Variants in TP53BP2 observed in about 807,000 individuals in gnomAD.
The protein encoded by TP53BP2 is apoptosis-stimulating of p53 protein 2.
TP53BP2 carries 62 observed loss-of-function variants against 126.2 expected under a neutral mutation model. The ratio of observed to expected loss-of-function variants is 0.49; its 90% CI spans 0.40 to 0.61. The LOEUF is 0.61. Ranked by LOEUF, TP53BP2 falls within the 20% of genes least tolerant of loss-of-function variation. The pLI is 0.00. For synonymous variants in TP53BP2, 485 were observed against 502.9 expected, an observed-to-expected ratio of 0.96 and a Z score of 0.48; for missense variants, 1,215 against 1,402.8, an observed-to-expected ratio of 0.87 and a Z score of 2.14.
intron 2 of TP53BP2, among the ~76,000 whole-genome samples, chr1:223,819,044 G>A (rs529597314): frequency 4.6e-5 from 7 of 151,970 alleles, no homozygotes; most frequent in South Asian, 2.1e-4. Context: ...TTAGTTGGGC[G>A]TGGTGGCGTA....
rs774227559 is a variant in TP53BP2 at position 223,806,856 on chromosome 1, A to C, written c.464T>G (p.Leu155Arg). The change falls in exon 5 of 18, where the codon CTG (leucine) becomes CGG (arginine). Residue 155 changes from leucine (L) to arginine (R), a missense_variant. By Grantham distance (102) the Leu-to-Arg change is moderately radical. This residue lies in a region of TP53BP2 where 814 missense variants were observed against 853.0 expected (regional missense o/e 0.95). Transcript: ENST00000343537. ...QQQIEAQQQL[L>R]ATKEQRLKFL... is the part of the protein sequence containing the mutation. The stretch of plus-strand genomic sequence containing the variant: ...AAAGGACGATACTACCTTAGTTGCC[A>C]GCAATTGTTGCTGGGCTTCAATCTG... 3 of 1,613,358 alleles carry C rather than the reference A, an allele frequency of 1.9e-6. No homozygotes were observed. Among genetic ancestry groups the C allele is most frequent in the Non-Finnish European group, 2.5e-6 (3 of 1,179,728 alleles).
chr1:223,808,434 G>A (rs1212795693), intron 4 of TP53BP2, among the ~76,000 whole-genome samples: 2 of 151,834 alleles, frequency 1.3e-5, no homozygotes, highest in Non-Finnish European at 2.9e-5. Context: ...CCAGCTACTC[G>A]GGAAGCTGAG....
Position 223,794,572 on chromosome 1 carries a change from T to G in TP53BP2, c.2725-1132A>C, listed in dbSNP as rs554617142. ...AGTATAATACTTTTACCAATTCTAG[T>G]TTTCCTTTTTTCTCCTTGAAAATGT... On this transcript the variant is annotated intron_variant, in intron 13 of 17. Coordinates refer to ENST00000343537, the MANE Select transcript of TP53BP2 (RefSeq NM_001031685.3). 2.0e-5 allele frequency among the ~76,000 whole-genome samples: 3 copies of G among 152,332 alleles called. No homozygotes were observed. In the South Asian group the frequency reaches 6.2e-4, roughly 32 times the overall value.
At chr1:223,837,155 A>C (rs114139578) in intron 1 of TP53BP2, among the ~76,000 whole-genome samples, 12,372 of 76,368 alleles carry the variant, frequency 0.16, 779 homozygotes, top group East Asian at 0.32. Context: ...TAAAAAAAAA[A>C]GGGGGGGGGC....
At chr1:223,831,481 ATATATATATATATATATATAT>A (rs1438136195) in intron 1 of TP53BP2, among the ~76,000 whole-genome samples, 2 of 35,480 alleles carry the variant, frequency 5.6e-5, no homozygotes, top group East Asian at 1.4e-3. Context: ...AAAAAAAAAA[ATATATATATATATATATATAT>A]ATATATATAT....
chr1:223,792,863 C>CAAA (rs35552256), intron 14 of TP53BP2, among the ~76,000 whole-genome samples: 3 of 129,348 alleles, frequency 2.3e-5, no homozygotes, highest in African/African-American at 2.8e-5. Context: ...CTATGGAAAG[C>CAAA]AAAAAAAAAA....
At chr1:223,786,821 T>C (rs1661982199) in intron 16 of TP53BP2, among the ~76,000 whole-genome samples, 3 of 151,946 alleles carry the variant, frequency 2.0e-5, no homozygotes, top group Admixed American at 2.0e-4. Flanking sequence ...TTAGCCAGAA[T>C]GGTCTCGATC....
chr1:223,785,846 T>C (rs1661934310), intron 16 of TP53BP2, among the ~76,000 whole-genome samples: 1 of 152,178 alleles, frequency 6.6e-6, no homozygotes, highest in African/African-American at 2.4e-5. Context: ...CGAGGTATCA[T>C]TCCAAATCCA....
At chr1:223,825,183 T>C (rs1302927568) in intron 1 of TP53BP2, among the ~76,000 whole-genome samples, 1 of 152,144 alleles carries the variant, frequency 6.6e-6, no homozygotes, top group Non-Finnish European at 1.5e-5. Context: ...AGTCAAAGGT[T>C]TTGTCTTTGT....
intron 13 of TP53BP2, among the ~76,000 whole-genome samples, chr1:223,794,511 C>A (rs975586141): frequency 3.9e-5 from 6 of 152,116 alleles, no homozygotes; most frequent in Admixed American, 2.0e-4. Context: ...GGTAAGACAC[C>A]TTCCTAGGAA....
Position 223,780,823 on chromosome 1 carries a change from C to T in TP53BP2, c.*30G>A. On this transcript the variant is annotated 3_prime_UTR_variant, in exon 18 of 18. Transcript: ENST00000343537. ...TACTTCTTCTTAACAGAGATTAATT[C>T]TTCATTGACTAAAATTCTGTGTGGA... 1 of 1,608,842 alleles carries T rather than the reference C, an allele frequency of 6.2e-7. No homozygotes were observed. Among genetic ancestry groups the T allele is most frequent in the Non-Finnish European group, 8.5e-7 (1 of 1,178,230 alleles).
intron 13 of TP53BP2, 133 bp downstream of exon 13, chr1:223,795,682 T>C (rs1257450252): frequency 1.3e-6 from 1 of 765,060 alleles, no homozygotes; most frequent in African/African-American, 1.7e-5. Context: ...TATGAAAACA[T>C]TTATAAGATC....
intron 15 of TP53BP2, among the ~76,000 whole-genome samples, chr1:223,791,504 T>C (rs1464849238): frequency 6.6e-6 from 1 of 152,130 alleles, no homozygotes; most frequent in South Asian, 2.1e-4. Context: ...CAATGTCTAA[T>C]AAAAGGGAGA....
At chr1:223,785,357 G>T (rs986565353) in intron 16 of TP53BP2, among the ~76,000 whole-genome samples, 1 of 152,126 alleles carries the variant, frequency 6.6e-6, no homozygotes, top group Non-Finnish European at 1.5e-5. Context: ...TCTAGAAGAA[G>T]GCTCTGCCAA....
intron 14 of TP53BP2, 100 bp from the exon 15 acceptor site, chr1:223,792,622 T>C: frequency 8.6e-7 from 1 of 1,163,590 alleles, no homozygotes; most frequent in Non-Finnish European, 1.2e-6. Context: ...AAATGGACTC[T>C]TGTGACACTT....
In TP53BP2 at chr1:223,798,257, C is replaced by T. The variant is rs1662400261; in HGVS notation, c.1906G>A (p.Ala636Thr). The T allele has an allele frequency of 4.3e-6, 7 of 1,614,200 alleles. No individual in the cohort carries two copies. The highest frequency in any genetic ancestry group is 1.1e-5 in the South Asian group (1 of 91,080). ...CCTCTGGTATGAGTCTTGGTCAACG[C>T]GCTCTGCACAGCCTGCTGGAAGTTT... ...GKNFQQAVQS[A>T]LTKTHTRGPH... The change falls in exon 12 of 18, where the codon GCG (alanine) becomes ACG (threonine). Residue 636 changes from alanine to threonine, a missense_variant. By Grantham distance (58) the Ala-to-Thr change is moderately conservative (BLOSUM62 0). Coordinates refer to ENST00000343537, the MANE Select transcript of TP53BP2 (RefSeq NM_001031685.3).
At chr1:223,800,648 C>T in intron 10 of TP53BP2, 52 bp downstream of exon 10, 1 of 1,322,850 alleles carries the variant, frequency 7.6e-7, no homozygotes, top group Non-Finnish European at 1.1e-6. Context: ...ATACACAGCA[C>T]CTTTCAGATG....
chr1:223,780,019 T>C lies in TP53BP2; in HGVS notation c.*834A>G, dbSNP rs1321825402. The C allele has an allele frequency of 6.6e-6, 1 of 152,240 alleles. No homozygotes were observed. The highest frequency in any genetic ancestry group is 1.5e-5 in the Non-Finnish European group (1 of 68,038). The allele number at this position is 152,240 out of a possible 1,614,324, so 9.4% of individuals were successfully genotyped here. A position where few individuals can be genotyped will look rare whatever the true frequency, so the allele number is the denominator to read the frequency against. ...TTTGTTCTTTTTCAGCTGGGTATGA[T>C]ATCCCAACGGCTTGTGACTATTAAA... On this transcript the variant is annotated 3_prime_UTR_variant, in exon 18 of 18. Transcript: ENST00000343537.
chr1:223,844,450 A>G (rs1365422159), intron 1 of TP53BP2, among the ~76,000 whole-genome samples: 2 of 152,240 alleles, frequency 1.3e-5, no homozygotes, highest in Non-Finnish European at 2.9e-5. Flanking sequence ...TCCAGGAAAT[A>G]AAAATCTTAA....
Sources: gnomAD v4.1 joint callset for allele counts (sites outside exome capture counted in the v4.1 genomes callset) on GRCh38, gnomAD v4.1.1 for gene constraint, gnomAD v4.1.1 regional missense constraint, MANE v1.5 for transcripts, NCBI Gene and HGNC (gene_info 2026-07-23, HGNC 2026-07-21) for gene names.